SMG6: variants seen among roughly 807,000 people sequenced by gnomAD.
The protein encoded by SMG6 is telomerase-binding protein EST1A.
In SMG6, 66 loss-of-function variants were observed where a neutral mutation model predicts 142.2. That is an observed-to-expected ratio of 0.46 (90% CI 0.38 to 0.57). SMG6 has a LOEUF of 0.57. Ranked by LOEUF, SMG6 falls within the 20% of genes least tolerant of loss-of-function variation. SMG6 has a pLI of 0.00. For synonymous variants in SMG6, 779 were observed against 702.4 expected (o/e 1.11, Z -1.72); for missense variants, 1,793 against 1,832.0 (o/e 0.98, Z 0.39).
At chr17:2,209,609 C>G (rs2072788966) in intron 10 of SMG6, among the ~76,000 whole-genome samples, 1 of 151,926 alleles carries the variant, frequency 6.6e-6, no homozygotes, top group Non-Finnish European at 1.5e-5. Context: ...CGTGATCTGC[C>G]CACCTTGGCC....
chr17:2,067,537 A>G (rs1202352286), intron 16 of SMG6, among the ~76,000 whole-genome samples: 1 of 152,214 alleles, frequency 6.6e-6, no homozygotes, highest in East Asian at 1.9e-4. Context: ...GAGAAGGGAA[A>G]GCCTGGGACA....
intron 10 of SMG6, chr17:2,232,583 C>T (rs938547597): frequency 6.6e-6 from 1 of 152,280 alleles, no homozygotes; most frequent in African/African-American, 2.4e-5. Context: ...TCAAACGTCC[C>T]TTGTCCCACC....
intron 13 of SMG6, among the ~76,000 whole-genome samples, chr17:2,096,357 C>G (rs912699910): frequency 6.6e-6 from 1 of 152,152 alleles, no homozygotes; most frequent in African/African-American, 2.4e-5. Flanking sequence ...CACAGGTGCA[C>G]GCCACCATGC....
chr17:2,191,078 G>T (rs2072146782), intron 10 of SMG6, among the ~76,000 whole-genome samples: 1 of 152,128 alleles, frequency 6.6e-6, no homozygotes, highest in Non-Finnish European at 1.5e-5. Context: ...AGGTATGATG[G>T]AGCACACAGT....
chr17:2,115,329 G>GA (rs1320524250), intron 13 of SMG6, among the ~76,000 whole-genome samples: 12 of 150,862 alleles, frequency 8.0e-5, no homozygotes, highest in Non-Finnish European at 1.3e-4. Flanking sequence ...TAGTAAGGAT[G>GA]AAAAAAAAAT....
chr17:2,292,445 G>A lies in SMG6; in HGVS notation c.2337+107C>T, dbSNP rs960473855. ...AGGAGTTTGAGGGGATATTCTTTGG[G>A]CTACAGTGATGAGATGAAATGAAGC... On this transcript the variant is annotated intron_variant, in intron 6 of 18. Transcript: ENST00000263073. 18 of 1,091,454 alleles carry A rather than the reference G, an allele frequency of 1.6e-5. No homozygotes were observed. In the African/African-American group the frequency reaches 2.8e-4, roughly 17 times the overall value. The allele number at this position is 1,091,454 out of a possible 1,614,324, so 67.6% of individuals were successfully genotyped here.
At chr17:2,066,584 C>A (rs1294545161) in intron 16 of SMG6, among the ~76,000 whole-genome samples, 3 of 149,562 alleles carry the variant, frequency 2.0e-5, no homozygotes, top group Non-Finnish European at 4.4e-5. Flanking sequence ...GCATGCTGTT[C>A]CATGGTGAGC....
rs556983189 is a variant in SMG6 at position 2,279,978 on chromosome 17, G to A, written c.2661+2669C>T. ...GCCTCTCATGCTTGCCTTTATCACA[G>A]TACTTACCACACGGAACTATAATGA... On this transcript the variant is annotated intron_variant, in intron 8 of 18. Coordinates refer to ENST00000263073, the MANE Select transcript of SMG6 (RefSeq NM_017575.5). Among the ~76,000 whole-genome samples, 5 of 152,196 alleles carry A rather than the reference G, an allele frequency of 3.3e-5. No individual in the cohort carries two copies. In the South Asian group the frequency reaches 1.0e-3, roughly 32 times the overall value.
rs190923598 is a variant in SMG6, at chr17:2,140,641, C to T, written c.3357+32017G>A. ...GAGCCGAGATTGCACCACTGCACTC[C>T]AGCCTGGGTGACAGAGTGAGATTCC... On this transcript the variant is annotated intron_variant, in intron 13 of 18. Transcript: ENST00000263073. 6.3e-4 allele frequency among the ~76,000 whole-genome samples: 92 copies of T among 145,452 alleles called. 1 individual carries two copies. The highest frequency in any genetic ancestry group is 2.2e-3 in the African/African-American group (85 of 38,682).
chr17:2,234,403 A>T (rs1189137164), intron 10 of SMG6, among the ~76,000 whole-genome samples: 1 of 151,502 alleles, frequency 6.6e-6, no homozygotes, highest in Non-Finnish European at 1.5e-5. Flanking sequence ...CTGGGATTAC[A>T]GGTGCCCACC....
Position 2,061,350 on chromosome 17 carries a change from G to T in SMG6, c.*142C>A. 2.4e-6 allele frequency: 2 copies of T among 818,710 alleles called. No individual in the cohort carries two copies. The highest frequency in any genetic ancestry group is 2.8e-5 in the East Asian group (1 of 35,784). 50.7% of individuals were successfully genotyped at this position (818,710 alleles called of 1,614,324 possible). ...TGAGGAGCAGGTCCCCCACAGCATG[G>T]CCGTGGCGTGGGTTGGAAGAGGATG... On this transcript the variant is annotated 3_prime_UTR_variant, in exon 19 of 19. Coordinates refer to ENST00000263073, the MANE Select transcript of SMG6 (RefSeq NM_017575.5).
chr17:2,260,326 C>G (rs558688393), intron 8 of SMG6, among the ~76,000 whole-genome samples: 3 of 152,174 alleles, frequency 2.0e-5, no homozygotes, highest in East Asian at 1.9e-4. Flanking sequence ...GTCACTTTCC[C>G]CCCCCACAGC....
intron 13 of SMG6, among the ~76,000 whole-genome samples, chr17:2,129,225 G>T (rs973612747): frequency 6.6e-6 from 1 of 152,036 alleles, no homozygotes; most frequent in African/African-American, 2.4e-5. Flanking sequence ...ACTCAGGAGG[G>T]TGAGGTGGGA....
intron 13 of SMG6, among the ~76,000 whole-genome samples, chr17:2,111,135 G>C (rs1006886681): frequency 6.6e-6 from 1 of 152,126 alleles, no homozygotes; most frequent in Non-Finnish European, 1.5e-5. Flanking sequence ...CTATGGTGTG[G>C]CAGGCCCTAT....
chr17:2,203,971 A>T (rs1255167811), intron 10 of SMG6, among the ~76,000 whole-genome samples: 2 of 151,838 alleles, frequency 1.3e-5, no homozygotes, highest in African/African-American at 4.8e-5. Context: ...TTCCTGAACG[A>T]TTTTTTTTAA....
chr17:2,134,177 T>C (rs1320693372), intron 13 of SMG6, among the ~76,000 whole-genome samples: 3 of 152,026 alleles, frequency 2.0e-5, no homozygotes, highest in Non-Finnish European at 2.9e-5. Context: ...ATGCCCACTT[T>C]GGGAGGCCGA....
intron 8 of SMG6, among the ~76,000 whole-genome samples, chr17:2,259,227 G>A (rs1362685190): frequency 1.3e-5 from 2 of 151,460 alleles, no homozygotes; most frequent in African/African-American, 4.9e-5. Context: ...CAAACCAACA[G>A]AGAAGTCTTG....
Position 2,061,639 on chromosome 17 carries a change from G to A in SMG6, c.4130-17C>T. ...TTGGCTCCTCTGTGGGCATGAGAGAGCAGAAGGCTGTCACTGAGGACAGGA... is the reference window on the plus strand; with the variant it reads ...TTGGCTCCTCTGTGGGCATGAGAGAACAGAAGGCTGTCACTGAGGACAGGA... On this transcript the variant is annotated splice_polypyrimidine_tract_variant and intron_variant, in intron 18 of 18. Coordinates refer to ENST00000263073, the MANE Select transcript of SMG6 (RefSeq NM_017575.5). 6.4e-7 allele frequency: 1 copy of A among 1,564,632 alleles called. No homozygotes were observed. The highest frequency in any genetic ancestry group is 8.7e-7 in the Non-Finnish European group (1 of 1,154,594).
intron 1 of SMG6, 104 bp downstream of exon 1, chr17:2,303,529 G>A (rs1428944892): frequency 8.2e-6 from 11 of 1,339,094 alleles, no homozygotes; most frequent in Non-Finnish European, 1.0e-5. Context: ...TGGGGGAAGG[G>A]GCGGGGGCTC....
Sources: allele counts gnomAD v4.1 joint callset (sites outside exome capture counted in the v4.1 genomes callset), GRCh38; gene constraint gnomAD v4.1.1; transcripts MANE v1.5; gene names NCBI Gene and HGNC (gene_info 2026-07-23, HGNC 2026-07-21).